Variants in MAST2 observed in about 807,000 individuals in gnomAD.
The protein encoded by MAST2 is microtubule-associated serine/threonine-protein kinase 2.
A neutral mutation model predicts 147.4 loss-of-function variants in MAST2; 70 were observed. The ratio of observed to expected loss-of-function variants is 0.47; its 90% CI spans 0.39 to 0.58. The LOEUF (loss-of-function observed/expected upper bound fraction) is 0.58, where lower values mean the gene tolerates loss of function less well. MAST2 is among the 20% of genes least tolerant of loss of function. MAST2 has a pLI of 0.00. For missense variants in MAST2, 2,080 were observed against 2,302.3 expected (o/e 0.90, Z 1.98); for synonymous variants, 869 against 896.8 (o/e 0.97, Z 0.55).
chr1:46,008,274 C>T (rs1557467380), intron 8 of MAST2, 22 bp from the exon 9 acceptor site: 1 of 1,558,372 alleles, frequency 6.4e-7, no homozygotes, highest in South Asian at 1.1e-5. Flanking sequence ...TAAAGTAACA[C>T]AATCATTTCT....
intron 4 of MAST2, among the ~76,000 whole-genome samples, chr1:45,931,160 G>T (rs1655224183): frequency 1.3e-5 from 2 of 152,190 alleles, no homozygotes; most frequent in African/African-American, 4.8e-5. Flanking sequence ...AGGATCATGT[G>T]TTAGAATTTT....
At position 45,842,061 on chromosome 1, in the gene MAST2, G is replaced by T. The variant is rs1444898813; in HGVS notation, c.468+12480G>T. On this transcript the variant is annotated intron_variant, in intron 3 of 28. Coordinates refer to ENST00000361297, the MANE Select transcript of MAST2 (RefSeq NM_015112.3). ...TTTTCAGATAAGGAGTTTTGTCTTC[G>T]GATGGTCTGCTTGATTGCCACTAGG... Among the ~76,000 whole-genome samples, 3 of 152,012 alleles carry T rather than the reference G, an allele frequency of 2.0e-5. No individual in the cohort carries two copies. In the East Asian group the frequency reaches 5.8e-4, roughly 29 times the overall value.
chr1:46,028,652 G>T, intron 17 of MAST2, 116 bp from the exon 18 acceptor site: 1 of 1,033,718 alleles, frequency 9.7e-7, no homozygotes, highest in Non-Finnish European at 1.5e-6. Flanking sequence ...AACTAAGGTG[G>T]GCTGAGTCTT....
Position 46,006,413 on chromosome 1 carries a change from C to T in MAST2, c.902+18C>T, listed in dbSNP as rs1038284591. Reference sequence around the variant, plus strand: ...AGCCTCAGGTGAGGGTGCTCTCTGCCCACTGTTCCAGTGCATGTGGATTTC... The same window carrying T: ...AGCCTCAGGTGAGGGTGCTCTCTGCTCACTGTTCCAGTGCATGTGGATTTC... On this transcript the variant is annotated intron_variant, in intron 8 of 28. Coordinates refer to ENST00000361297, the MANE Select transcript of MAST2 (RefSeq NM_015112.3). The T allele has an allele frequency of 1.2e-6, 2 of 1,607,060 alleles. No homozygotes were observed. Among genetic ancestry groups the T allele is most frequent in the Non-Finnish European group, 1.7e-6 (2 of 1,175,862 alleles).
At chr1:45,865,309 C>G (rs1435114815) in intron 3 of MAST2, among the ~76,000 whole-genome samples, 1 of 152,116 alleles carries the variant, frequency 6.6e-6, no homozygotes, top group South Asian at 2.1e-4. Flanking sequence ...GAGAACTTAT[C>G]TAAAATCTTG....
Position 46,028,816 on chromosome 1 carries a change from G to A in MAST2, c.2101G>A (p.Gly701Ser), listed in dbSNP as rs564129687. Residue 701 changes from glycine (G) to serine (S), a missense_variant, in exon 18 of 29, where the codon GGC (glycine) becomes AGC (serine). Physicochemically the swap from Gly to Ser is moderately conservative, Grantham distance 56. This residue lies in a region of MAST2 where 209 missense variants were observed against 309.5 expected (regional missense o/e 0.68). Transcript: ENST00000361297. ...YIAPEVILRQ[G>S]YGKPVDWWAM... is the part of the protein sequence containing the mutation. ...TGCGCCTGAGGTGATCCTGCGCCAGGGCTATGGGAAGCCAGTGGACTGGTG... is the reference window on the plus strand; with the variant it reads ...TGCGCCTGAGGTGATCCTGCGCCAGAGCTATGGGAAGCCAGTGGACTGGTG... 6.2e-7 allele frequency: 1 copy of A among 1,614,174 alleles called. No individual in the cohort carries two copies. The highest frequency in any genetic ancestry group is 2.2e-5 in the East Asian group (1 of 44,870).
At chr1:46,004,226 T>TG (rs903730751) in intron 7 of MAST2, among the ~76,000 whole-genome samples, 6 of 151,494 alleles carry the variant, frequency 4.0e-5, no homozygotes, top group African/African-American at 1.2e-4. Flanking sequence ...TAGCTGGGCG[T>TG]GGTGGTGGGC....
intron 10 of MAST2, among the ~76,000 whole-genome samples, chr1:46,014,765 G>T (rs184593524): frequency 1.3e-4 from 20 of 152,166 alleles, no homozygotes; most frequent in African/African-American, 4.6e-4. Context: ...AGACAGATCA[G>T]CGTGACAGAA....
chr1:45,933,041 A>G (rs1461821139), intron 4 of MAST2, among the ~76,000 whole-genome samples: 1 of 141,318 alleles, frequency 7.1e-6, no homozygotes, highest in Non-Finnish European at 1.5e-5. Context: ...AGCCTGAGCA[A>G]CTTAGTGAGA....
At chr1:45,885,138 T>C (rs1266643778) in intron 4 of MAST2, among the ~76,000 whole-genome samples, 2 of 152,230 alleles carry the variant, frequency 1.3e-5, no homozygotes, top group African/African-American at 4.8e-5. Flanking sequence ...CTCGTCCTCA[T>C]AGCCTGATCT....
At chr1:45,888,838 G>A (rs6668284) in intron 4 of MAST2, among the ~76,000 whole-genome samples, 66,914 of 150,740 alleles carry the variant, frequency 0.44, 15,064 homozygotes, top group East Asian at 0.62. Context: ...TGTGCACCAC[G>A]CCTGGCTAAT....
At chr1:45,999,049 A>T (rs1309178001) in intron 6 of MAST2, among the ~76,000 whole-genome samples, 2 of 152,188 alleles carry the variant, frequency 1.3e-5, no homozygotes, top group African/African-American at 2.4e-5. Flanking sequence ...ACTACTTTTT[A>T]AAAAAAGACA....
At chr1:45,973,733 A>G (rs890260004) in intron 5 of MAST2, among the ~76,000 whole-genome samples, 6 of 152,200 alleles carry the variant, frequency 3.9e-5, no homozygotes, top group Non-Finnish European at 8.8e-5. Flanking sequence ...TAGAATATAT[A>G]GTGTCCTGGA....
rs1188412174 is a variant in MAST2 at position 46,023,764 on chromosome 1, T to C, written c.1572-8T>C. On this transcript the variant is annotated splice_polypyrimidine_tract_variant and splice_region_variant and intron_variant, in intron 14 of 28. Transcript: ENST00000361297. This position sits in a 1 kb window ranked among gnomAD's most constrained non-coding sequence, Gnocchi z 4.9. ...TCCATGGGGGATGGGCCGGACTTTG[T>C]TTCCCAGGGCTGTATTTCTGGTGCG... 1 of 1,613,250 alleles carries C rather than the reference T, an allele frequency of 6.2e-7. No homozygotes were observed. The highest frequency in any genetic ancestry group is 8.5e-7 in the Non-Finnish European group (1 of 1,179,488).
intron 1 of MAST2, among the ~76,000 whole-genome samples, chr1:45,813,279 A>G (rs749592381): frequency 2.0e-5 from 3 of 151,994 alleles, no homozygotes; most frequent in Non-Finnish European, 2.9e-5. Context: ...ATTATGTTTT[A>G]GTCAATGATG....
chr1:45,970,804 T>TTG (rs1273907717), intron 5 of MAST2, among the ~76,000 whole-genome samples: 8 of 151,290 alleles, frequency 5.3e-5, no homozygotes, highest in Non-Finnish European at 7.4e-5. Flanking sequence ...AAGTGTTTTT[T>TTG]TTTTTTTTTT....
intron 4 of MAST2, among the ~76,000 whole-genome samples, chr1:45,935,854 T>C (rs1419088514): frequency 6.6e-5 from 10 of 152,210 alleles, no homozygotes; most frequent in Non-Finnish European, 1.5e-4. Flanking sequence ...TTGCTTCTGC[T>C]TCAGATTGCC....
chr1:45,973,129 C>A (rs964654773), intron 5 of MAST2, among the ~76,000 whole-genome samples: 1 of 152,068 alleles, frequency 6.6e-6, no homozygotes, highest in African/African-American at 2.4e-5. Context: ...TTACTCTCTT[C>A]AGTTCTACTC....
chr1:45,933,575 A>T (rs1206919458), intron 4 of MAST2, among the ~76,000 whole-genome samples: 1 of 144,488 alleles, frequency 6.9e-6, no homozygotes, highest in African/African-American at 2.6e-5. Context: ...ACCCGTCTCT[A>T]CTAAAAATGC....
Sources: allele counts gnomAD v4.1 joint callset (sites outside exome capture counted in the v4.1 genomes callset), GRCh38; gene constraint gnomAD v4.1.1; regional missense constraint gnomAD v4.1.1; non-coding constraint Gnocchi (gnomAD v3.1); transcripts MANE v1.5; gene names NCBI Gene and HGNC (gene_info 2026-07-23, HGNC 2026-07-21).